The following PPHLN1 variants were observed in gnomAD, a reference collection of about 807,000 sequenced individuals.
PPHLN1 encodes the protein periphilin-1.
A neutral mutation model predicts 51.3 loss-of-function variants in PPHLN1; 29 were observed. The observed-to-expected ratio is 0.57, with a 90% CI of 0.42 to 0.77. PPHLN1 has a LOEUF of 0.77. Among genes scored for constraint, PPHLN1 ranks in the 30% least tolerant of loss-of-function variants. PPHLN1 has a pLI of 0.00. For missense variants in PPHLN1, 436 were observed against 438.4 expected (o/e 0.99, Z 0.05); for synonymous variants, 147 against 147.8 (o/e 0.99, Z 0.04).
At chr12:42,382,040 A>G (rs1592585833) in intron 5 of PPHLN1, among the ~76,000 whole-genome samples, 1 of 152,178 alleles carries the variant, frequency 6.6e-6, no homozygotes, top group East Asian at 1.9e-4. Flanking sequence ...TACCTGGGTT[A>G]TCAGTGATGA....
intron 2 of PPHLN1, among the ~76,000 whole-genome samples, chr12:42,337,247 T>C (rs539444003): frequency 9.9e-5 from 15 of 151,614 alleles, no homozygotes; most frequent in Admixed American, 5.3e-4. Context: ...GGAATTGTTC[T>C]GTTTTTTTTT....
intron 9 of PPHLN1, among the ~76,000 whole-genome samples, chr12:42,416,284 TAGAA>T (rs1208941057): frequency 6.6e-6 from 1 of 152,226 alleles, no homozygotes; most frequent in Admixed American, 6.5e-5. Context: ...TGTGGTAAAT[TAGAA>T]GGAGCTTGAA....
At chr12:42,406,085 G>GTTTT (rs1565956977) in intron 9 of PPHLN1, among the ~76,000 whole-genome samples, 3 of 120,828 alleles carry the variant, frequency 2.5e-5, no homozygotes, top group East Asian at 4.6e-4. Flanking sequence ...AGTTTAGTCT[G>GTTTT]GTTTTTTTTT....
intron 9 of PPHLN1, among the ~76,000 whole-genome samples, chr12:42,402,434 A>T (rs892790171): frequency 3.9e-5 from 6 of 152,166 alleles, no homozygotes; most frequent in Admixed American, 6.5e-5. Context: ...GTCTGTTGTA[A>T]GTCTAAATCT....
intron 4 of PPHLN1, among the ~76,000 whole-genome samples, chr12:42,360,810 C>T (rs953590652): frequency 3.3e-5 from 5 of 151,972 alleles, no homozygotes; most frequent in Non-Finnish European, 7.4e-5. Context: ...TCTTTTTCTT[C>T]CTATAGGCTG....
intron 9 of PPHLN1, among the ~76,000 whole-genome samples, chr12:42,440,787 C>G (rs1247480380): frequency 6.6e-6 from 1 of 152,216 alleles, no homozygotes; most frequent in Non-Finnish European, 1.5e-5. Flanking sequence ...CCATGTTGGC[C>G]AGGCTAATCT....
intron 9 of PPHLN1, among the ~76,000 whole-genome samples, chr12:42,430,783 C>T (rs913088942): frequency 2.0e-5 from 3 of 152,126 alleles, no homozygotes; most frequent in Non-Finnish European, 2.9e-5. Flanking sequence ...CGTGAGCCAC[C>T]GTGCCTGGCC....
chr12:42,362,097 C>G (rs1011225364), intron 4 of PPHLN1, among the ~76,000 whole-genome samples: 3 of 152,128 alleles, frequency 2.0e-5, no homozygotes, highest in Non-Finnish European at 4.4e-5. Flanking sequence ...AGTGTAAAGT[C>G]ATATCTCATT....
chr12:42,430,277 TCACA>T (rs141544668), intron 9 of PPHLN1, among the ~76,000 whole-genome samples: 106 of 148,934 alleles, frequency 7.1e-4, no homozygotes, highest in Non-Finnish European at 1.2e-3. Context: ...ACCCCTACAG[TCACA>T]CACACACACA....
chr12:42,366,507 G>A (rs2075287949), intron 4 of PPHLN1, among the ~76,000 whole-genome samples: 1 of 151,932 alleles, frequency 6.6e-6, no homozygotes, highest in South Asian at 2.1e-4. Flanking sequence ...GATTACAGGT[G>A]TGAGCCTGCA....
intron 9 of PPHLN1, among the ~76,000 whole-genome samples, chr12:42,427,851 A>G (rs1174008336): frequency 2.0e-5 from 3 of 152,224 alleles, no homozygotes; most frequent in African/African-American, 4.8e-5. Flanking sequence ...GATCTTTACA[A>G]TCTGTACATC....
intron 4 of PPHLN1, chr12:42,359,807 T>C (rs980184129): frequency 2.0e-5 from 3 of 152,140 alleles, no homozygotes; most frequent in Non-Finnish European, 4.4e-5. Flanking sequence ...GAAGAAAATA[T>C]TAAAAGATTT....
At chr12:42,332,515 G>T in intron 1 of PPHLN1, 1 of 555,056 alleles carries the variant, frequency 1.8e-6, no homozygotes, top group Non-Finnish European at 3.3e-6. Flanking sequence ...TGGCCAAAAT[G>T]ATATCTTCTA....
chr12:42,397,379 C>G lies in PPHLN1; in HGVS notation c.769-1475C>G, dbSNP rs566808657. ...GTATCTCAAACACTTGCTTTGTTTTCTGTACAGTACCTCGGACATATATAT... is the reference window on the plus strand; with the variant it reads ...GTATCTCAAACACTTGCTTTGTTTTGTGTACAGTACCTCGGACATATATAT... On this transcript the variant is annotated intron_variant, in intron 8 of 9. Transcript: ENST00000358314. 2.0e-5 allele frequency among the ~76,000 whole-genome samples: 3 copies of G among 152,280 alleles called. No individual in the cohort carries two copies. In the East Asian group the frequency reaches 5.8e-4, roughly 29 times the overall value.
At chr12:42,434,378 T>A (rs1286136476) in intron 9 of PPHLN1, among the ~76,000 whole-genome samples, 2 of 152,080 alleles carry the variant, frequency 1.3e-5, no homozygotes, top group Non-Finnish European at 2.9e-5. Context: ...AAGTTGGAAA[T>A]AAAAATAAAT....
chr12:42,446,615 G>A (rs148468515), downstream of PPHLN1: 21 of 1,613,040 alleles, frequency 1.3e-5, no homozygotes, highest in African/African-American at 2.7e-4. Flanking sequence ...AAAACAAGCA[G>A]TAACTGCTAT....
intron 4 of PPHLN1, among the ~76,000 whole-genome samples, chr12:42,368,681 A>G (rs980995798): frequency 3.3e-5 from 5 of 152,226 alleles, no homozygotes; most frequent in African/African-American, 1.2e-4. Flanking sequence ...TAGAATGGGA[A>G]ATACTAATAT....
chr12:42,438,727 G>A (rs745886303), intron 9 of PPHLN1, among the ~76,000 whole-genome samples: 2 of 151,988 alleles, frequency 1.3e-5, no homozygotes, highest in African/African-American at 2.4e-5. Context: ...TCAGTCTCCC[G>A]AGTAGCTGGG....
At position 42,351,893 on chromosome 12, in the gene PPHLN1, C is replaced by T. The variant is rs775693018; in HGVS notation, c.81C>T (p.Tyr27=). The T allele has an allele frequency of 6.4e-7, 1 of 1,557,130 alleles. No individual in the cohort carries two copies. Among genetic ancestry groups the T allele is most frequent in the Non-Finnish European group, 8.6e-7 (1 of 1,160,550 alleles). The change falls in exon 3 of 10, where the codon TAC becomes TAT. Residue 27 remains tyrosine, a synonymous_variant. Coordinates refer to ENST00000358314, the MANE Select transcript of PPHLN1 (RefSeq NM_201439.2). ...CTTTTTGTCTGTTTTAGGATGGCTA[C>T]AATAGACTAGTTAATATTGTGCCAA... ...APPRSHPSDG[Y]NRLVNIVPKK...
Sources: allele counts gnomAD v4.1 joint callset (sites outside exome capture counted in the v4.1 genomes callset), GRCh38; gene constraint gnomAD v4.1.1; transcripts MANE v1.5; gene names NCBI Gene and HGNC (gene_info 2026-07-23, HGNC 2026-07-21).